Variants in LRP1B observed in about 807,000 individuals in gnomAD.
LRP1B encodes LDL receptor related protein 1B.
A neutral mutation model predicts 556.6 loss-of-function variants in LRP1B; 217 were observed. The ratio of observed to expected loss-of-function variants is 0.39; its 90% CI spans 0.35 to 0.44. The LOEUF is 0.44. Ranked by LOEUF, LRP1B falls within the 20% of genes least tolerant of loss-of-function variation. LRP1B has a pLI of 1.00. For missense variants in LRP1B, 5,053 were observed against 5,620.8 expected (o/e 0.90, Z 3.23); for synonymous variants, 2,047 against 1,865.8 (o/e 1.10, Z -2.50).
At chr2:141,138,732 A>G (rs1271025061) in intron 7 of LRP1B, among the ~76,000 whole-genome samples, 1 of 151,944 alleles carries the variant, frequency 6.6e-6, no homozygotes, top group Non-Finnish European at 1.5e-5. Context: ...GACATTAAAT[A>G]ATGAAAGATA....
intron 18 of LRP1B, among the ~76,000 whole-genome samples, chr2:140,980,011 G>T (rs1298681407): frequency 6.6e-6 from 1 of 151,710 alleles, no homozygotes; most frequent in Non-Finnish European, 1.5e-5. Context: ...ATAGTTATTA[G>T]ATTATTATAT....
intron 3 of LRP1B, among the ~76,000 whole-genome samples, chr2:141,279,409 C>T (rs1337045306): frequency 6.6e-6 from 1 of 151,882 alleles, no homozygotes; most frequent in African/African-American, 2.4e-5. Context: ...GGAAAAGTAC[C>T]AAAAGATTGG....
chr2:141,423,171 A>G (rs934376032), intron 3 of LRP1B, among the ~76,000 whole-genome samples: 2 of 151,908 alleles, frequency 1.3e-5, no homozygotes, highest in African/African-American at 4.8e-5. Flanking sequence ...CTGGCAGACA[A>G]TTGTCTCTGT....
intron 79 of LRP1B, among the ~76,000 whole-genome samples, chr2:140,331,842 C>T (rs1287498329): frequency 1.3e-5 from 2 of 151,754 alleles, no homozygotes; most frequent in Admixed American, 6.6e-5. Flanking sequence ...ATTACAGGTA[C>T]ATACCACCAT....
Position 140,314,928 on chromosome 2 carries a change from T to C in LRP1B, c.12805+7A>G. The C allele has an allele frequency of 6.4e-7, 1 of 1,559,646 alleles. No individual in the cohort carries two copies. ...GATGTGAAATACAATGACAATGAAA[T>C]ATTTACCTAGAACTGATGGTACGCA... On this transcript the variant is annotated splice_region_variant and intron_variant, in intron 83 of 90. Coordinates refer to ENST00000389484, the MANE Select transcript of LRP1B (RefSeq NM_018557.3).
intron 62 of LRP1B, 132 bp downstream of exon 62, chr2:140,456,323 G>T: frequency 1.3e-6 from 1 of 791,264 alleles, no homozygotes; most frequent in Non-Finnish European, 1.8e-6. Flanking sequence ...ATTTTAATGA[G>T]ATGTTATAGT....
intron 3 of LRP1B, among the ~76,000 whole-genome samples, chr2:141,292,366 C>T (rs115402407): frequency 1.8e-3 from 270 of 152,224 alleles, no homozygotes; most frequent in African/African-American, 6.1e-3. Flanking sequence ...AGAATGCTCC[C>T]TCTATCAACT....
chr2:140,330,957 GA>G (rs1343456376), intron 79 of LRP1B, among the ~76,000 whole-genome samples: 2 of 152,014 alleles, frequency 1.3e-5, no homozygotes, highest in East Asian at 3.9e-4. Context: ...ACAAACATAT[GA>G]AAAAAAGCTC....
At chr2:141,620,148 T>C (rs1274128839) in intron 2 of LRP1B, among the ~76,000 whole-genome samples, 1 of 152,196 alleles carries the variant, frequency 6.6e-6, no homozygotes, top group Non-Finnish European at 1.5e-5. Flanking sequence ...AGATGGGATC[T>C]TGCTGTGTTA....
At chr2:142,125,402 A>G (rs1358580518) in intron 1 of LRP1B, among the ~76,000 whole-genome samples, 1 of 151,814 alleles carries the variant, frequency 6.6e-6, no homozygotes, top group African/African-American at 2.4e-5. Context: ...CAGAGATTCA[A>G]TACTATTGCA....
intron 7 of LRP1B, among the ~76,000 whole-genome samples, chr2:141,153,269 AATAT>A (rs567294259): frequency 2.3e-5 from 3 of 128,962 alleles, no homozygotes; most frequent in Admixed American, 9.3e-5. Flanking sequence ...TATTTATAAT[AATAT>A]ATATAAGCTA....
chr2:140,428,646 C>T (rs1334233053), intron 66 of LRP1B, among the ~76,000 whole-genome samples: 1 of 152,138 alleles, frequency 6.6e-6, no homozygotes, highest in African/African-American at 2.4e-5. Context: ...CCCCCTAGAC[C>T]ATCACGGACG....
intron 68 of LRP1B, among the ~76,000 whole-genome samples, chr2:140,376,238 A>G (rs1683222958): frequency 6.6e-6 from 1 of 152,204 alleles, no homozygotes; most frequent in Non-Finnish European, 1.5e-5. Context: ...GATGAGATAC[A>G]TGGTAATAAG....
At chr2:140,241,731 T>C (rs774558177) in intron 87 of LRP1B, among the ~76,000 whole-genome samples, 2 of 150,824 alleles carry the variant, frequency 1.3e-5, no homozygotes, top group African/African-American at 4.8e-5. Flanking sequence ...TTTTATAAAA[T>C]AGTTTTTATT....
chr2:142,127,999 G>A (rs1299540151), intron 1 of LRP1B, among the ~76,000 whole-genome samples: 1 of 152,046 alleles, frequency 6.6e-6, no homozygotes, highest in Non-Finnish European at 1.5e-5. Flanking sequence ...GCTGTTAAGA[G>A]TTACAAAGAT....
chr2:141,425,288 A>T (rs540581004), intron 3 of LRP1B, among the ~76,000 whole-genome samples: 1 of 150,298 alleles, frequency 6.7e-6, no homozygotes, highest in East Asian at 2.0e-4. Context: ...CATGGTGTAT[A>T]TGTGCCACAT....
intron 7 of LRP1B, among the ~76,000 whole-genome samples, chr2:141,176,214 G>C (rs1377504256): frequency 6.6e-6 from 1 of 152,106 alleles, no homozygotes; most frequent in Non-Finnish European, 1.5e-5. Context: ...CTGGTGGGAA[G>C]CATTATTGGT....
rs72983169 is a variant in LRP1B, at chr2:141,399,880, T to C, written c.343+80516A>G. The stretch of plus-strand genomic sequence containing the variant: ...AGCAAGAACTCCTACATGTTTGTAG[T>C]AATAAATAGTAAGGAGAAAGCTGTC... On this transcript the variant is annotated intron_variant, in intron 3 of 90. Coordinates refer to ENST00000389484, the MANE Select transcript of LRP1B (RefSeq NM_018557.3). 9.2e-3 allele frequency among the ~76,000 whole-genome samples: 1,403 copies of C among 152,348 alleles called. 20 individuals carry two copies. Among genetic ancestry groups the C allele is most frequent in the African/African-American group, 0.031 (1,282 of 41,582 alleles).
At chr2:140,831,722 A>T (rs1430601073) in intron 31 of LRP1B, among the ~76,000 whole-genome samples, 1 of 152,146 alleles carries the variant, frequency 6.6e-6, no homozygotes, top group Non-Finnish European at 1.5e-5. Flanking sequence ...ACAATCAACA[A>T]AGAGAAGAAC....
Sources: allele counts gnomAD v4.1 joint callset (sites outside exome capture counted in the v4.1 genomes callset), GRCh38; gene constraint gnomAD v4.1.1; transcripts MANE v1.5; gene names NCBI Gene and HGNC (gene_info 2026-07-23, HGNC 2026-07-21).